USH2A: variants seen among roughly 807,000 people sequenced by gnomAD.
USH2A encodes the protein Usher syndrome 2A (autosomal recessive, mild).
USH2A carries 443 observed loss-of-function variants against 538.9 expected under a neutral mutation model. That is an observed-to-expected ratio of 0.82 (90% confidence interval 0.76 to 0.89). The LOEUF is 0.89. Ranked by LOEUF, USH2A falls within the 40% of genes least tolerant of loss-of-function variation. The probability of loss-of-function intolerance (pLI) is 0.00; values close to 1 mark genes in which losing one functional copy is unlikely to be tolerated. For synonymous variants in USH2A, 2,413 were observed against 2,273.5 expected, an observed-to-expected ratio of 1.06 and a Z score of -1.75; for missense variants, 6,633 against 6,324.8, an observed-to-expected ratio of 1.05 and a Z score of -1.65.
chr1:216,089,256 G>T (rs2032232401), intron 22 of USH2A, 117 bp from the exon 23 acceptor site: 5 of 1,125,318 alleles, frequency 4.4e-6, no homozygotes, highest in Non-Finnish European at 6.6e-6. Flanking sequence ...ATACAAGCAT[G>T]CATACATTTC....
At chr1:216,260,042 G>A (rs1285658906) in intron 11 of USH2A, among the ~76,000 whole-genome samples, 5 of 152,014 alleles carry the variant, frequency 3.3e-5, no homozygotes, top group African/African-American at 4.8e-5. Flanking sequence ...TTAATAGTAA[G>A]AGATGAAAAC....
chr1:216,167,336 G>T (rs1238006745), intron 21 of USH2A, among the ~76,000 whole-genome samples: 2 of 152,070 alleles, frequency 1.3e-5, no homozygotes, highest in African/African-American at 4.8e-5. Context: ...CCAGGGAAAG[G>T]CAGTCTCCCT....
At chr1:216,245,470 T>TGAGAGAGAGAGAGAGAGAGA (rs10535828) in intron 13 of USH2A, among the ~76,000 whole-genome samples, 2 of 114,176 alleles carry the variant, frequency 1.8e-5, no homozygotes, top group African/African-American at 7.3e-5. Context: ...AGTCCCCTTC[T>TGAGAGAGAGAGAGAGAGAGA]GAGAGAGAGA....
chr1:215,774,857 A>C (rs1661413668), intron 55 of USH2A, among the ~76,000 whole-genome samples: 1 of 151,878 alleles, frequency 6.6e-6, no homozygotes, highest in African/African-American at 2.4e-5. Flanking sequence ...TTTTATCAAT[A>C]GGCAGGTTTT....
rs79487691 is a variant in USH2A, at chr1:216,027,395, G to A, written c.6325+19036C>T. Among the ~76,000 whole-genome samples the A allele has an allele frequency of 6.0e-3, 906 of 152,268 alleles. 13 individuals carry two copies. The highest frequency in any genetic ancestry group is 0.021 in the African/African-American group (854 of 41,552). On this transcript the variant is annotated intron_variant, in intron 32 of 71. Transcript: ENST00000307340. ...CCTTGGACTTCTAGCACCCAGAACT[G>A]TAAGACAATACATTCCTGTTGTTTA...
intron 3 of USH2A, among the ~76,000 whole-genome samples, chr1:216,403,269 C>T (rs2039338373): frequency 6.6e-6 from 1 of 152,022 alleles, no homozygotes; most frequent in East Asian, 1.9e-4. Flanking sequence ...TAGAGAGGAA[C>T]TTCATTAATT....
rs1389346209 is a variant in USH2A, at chr1:216,279,226, C to T, written c.1971+10054G>A. ...GGTTTTCACACAACTTTTTAATTCC[C>T]TTATTTGTTGTTTTTATTTCCTTTT... is the stretch of plus-strand genomic sequence containing the variant. On this transcript the variant is annotated intron_variant, in intron 11 of 71. Coordinates refer to ENST00000307340, the MANE Select transcript of USH2A (RefSeq NM_206933.4). Among the ~76,000 whole-genome samples the T allele has an allele frequency of 2.0e-5, 3 of 151,924 alleles. No homozygotes were observed. In the East Asian group the frequency reaches 5.8e-4, roughly 29 times the overall value.
At chr1:215,967,523 T>C (rs1418319648) in intron 36 of USH2A, among the ~76,000 whole-genome samples, 1 of 152,170 alleles carries the variant, frequency 6.6e-6, no homozygotes, top group Non-Finnish European at 1.5e-5. Flanking sequence ...GTGTAAGTTA[T>C]ATTTAATTTT....
intron 61 of USH2A, among the ~76,000 whole-genome samples, chr1:215,714,941 C>T (rs1253993350): frequency 6.6e-6 from 1 of 152,116 alleles, no homozygotes; most frequent in Non-Finnish European, 1.5e-5. Flanking sequence ...AGTAAGCTTC[C>T]TCTTAATATC....
intron 68 of USH2A, among the ~76,000 whole-genome samples, chr1:215,639,947 T>C (rs1224759004): frequency 6.6e-6 from 1 of 152,376 alleles, no homozygotes; most frequent in Non-Finnish European, 1.5e-5. Context: ...ACATTGGTCC[T>C]GTGAGCATGC....
rs752009808 is a variant in USH2A, at chr1:215,817,031, A to G, written c.9536T>C (p.Ile3179Thr). 70 of 1,612,640 alleles carry G rather than the reference A, an allele frequency of 4.3e-5. 2 individuals carry two copies. The South Asian group carries it at 7.6e-4, about 17-fold the overall frequency. Reference protein sequence around the residue: ...KAVRCQKPESICGHICYSSEA... With the variant: ...KAVRCQKPESTCGHICYSSEA... ...AGAAGAATAGCAAATGTGTCCACAG[A>G]TAGATTCAGGTTTTTGACACCTCAC... Residue 3179 changes from isoleucine (I) to threonine (T), a missense_variant, in exon 48 of 72, where the codon ATC becomes ACC. Physicochemically the swap from Ile to Thr is moderately conservative, Grantham distance 89. Coordinates refer to ENST00000307340, the MANE Select transcript of USH2A (RefSeq NM_206933.4).
Position 215,970,650 on chromosome 1 carries a change from GC to G in USH2A, c.6931del (p.Ala2311ProfsTer15), listed in dbSNP as rs1667471296. ...LHSFRVQACT[A>X]KGCALGPLVE... is the part of the protein sequence containing the mutation. ...CAGTGGGCCCAGAGCACAACCTTTG[GC>G]CGTGCATGCTTGGACTCTGAAGGAA... On this transcript the variant is annotated frameshift_variant, in exon 36 of 72. Coordinates refer to ENST00000307340, the MANE Select transcript of USH2A (RefSeq NM_206933.4). LOFTEE classifies it high-confidence loss of function. 6.2e-7 allele frequency: 1 copy of G among 1,613,616 alleles called. No individual in the cohort carries two copies. The highest frequency in any genetic ancestry group is 8.5e-7 in the Non-Finnish European group (1 of 1,179,724).
Position 215,903,146 on chromosome 1 carries a change from A to T in USH2A, c.7301-2241T>A, listed in dbSNP as rs1363728518. ...CCGAGTAAAGAAAGAAGGCACATGA[A>T]AAAGGAAGAACGTATCAGCTGTATC... is the stretch of plus-strand genomic sequence containing the variant. On this transcript the variant is annotated intron_variant, in intron 38 of 71. Coordinates refer to ENST00000307340, the MANE Select transcript of USH2A (RefSeq NM_206933.4). 2.0e-5 allele frequency among the ~76,000 whole-genome samples: 3 copies of T among 152,104 alleles called. No homozygotes were observed. The East Asian group carries it at 5.8e-4, about 29-fold the overall frequency.
At chr1:215,680,020 GAGGAGCTATCA>G in intron 62 of USH2A, 118 bp downstream of exon 62, 1 of 898,678 alleles carries the variant, frequency 1.1e-6, no homozygotes, top group Non-Finnish European at 1.8e-6. Context: ...TAAGTGCCTG[GAGGAGCTATCA>G]AGGAGAATTA....
intron 63 of USH2A, 105 bp from the exon 64 acceptor site, chr1:215,671,398 A>T: frequency 8.5e-7 from 1 of 1,174,598 alleles, no homozygotes; most frequent in Non-Finnish European, 1.2e-6. Flanking sequence ...GCTTACATGT[A>T]TTCTTATTCA....
intron 35 of USH2A, among the ~76,000 whole-genome samples, chr1:215,984,140 C>A (rs986641480): frequency 2.0e-5 from 3 of 152,176 alleles, no homozygotes; most frequent in Non-Finnish European, 4.4e-5. Flanking sequence ...TTCAGCCTTA[C>A]AGGGCACGGG....
At chr1:216,110,909 CTCTT>C (rs2032851422) in intron 21 of USH2A, among the ~76,000 whole-genome samples, 1 of 152,160 alleles carries the variant, frequency 6.6e-6, no homozygotes, top group African/African-American at 2.4e-5. Context: ...ACCAGACTGT[CTCTT>C]TCTTGTTGAT....
chr1:216,034,839 A>T (rs541268459), intron 32 of USH2A, among the ~76,000 whole-genome samples: 1 of 152,314 alleles, frequency 6.6e-6, no homozygotes, highest in African/African-American at 2.4e-5. Flanking sequence ...TAGCCTCTCA[A>T]ACTTCAAGAG....
At chr1:215,961,173 C>T (rs1475264924) in intron 37 of USH2A, among the ~76,000 whole-genome samples, 1 of 151,900 alleles carries the variant, frequency 6.6e-6, no homozygotes, top group Non-Finnish European at 1.5e-5. Context: ...CATTTAAAAT[C>T]GTGGCTTTCA....
Sources: gnomAD v4.1 joint callset for allele counts (sites outside exome capture counted in the v4.1 genomes callset) on GRCh38, gnomAD v4.1.1 for gene constraint, MANE v1.5 for transcripts, NCBI Gene and HGNC (gene_info 2026-07-23, HGNC 2026-07-21) for gene names.